SYT16: variants seen among roughly 807,000 people sequenced by gnomAD.
The protein encoded by SYT16 is synaptotagmin 16, also known as synaptotagmin-16.
In SYT16, 42 loss-of-function variants were observed where a neutral mutation model predicts 61.4. The ratio of observed to expected loss-of-function variants is 0.68; its 90% CI spans 0.53 to 0.89. The LOEUF is 0.89. SYT16 is among the 40% of genes least tolerant of loss of function. The probability of loss-of-function intolerance (pLI) is 0.00; values close to 1 mark genes in which losing one functional copy is unlikely to be tolerated. For synonymous variants in SYT16, 314 were observed against 302.3 expected, an observed-to-expected ratio of 1.04 and a Z score of -0.40; for missense variants, 804 against 807.3, an observed-to-expected ratio of 1.00 and a Z score of 0.05.
At chr14:61,834,805 T>G (rs1173568987) in intron 1 of SYT16, among the ~76,000 whole-genome samples, 1 of 152,192 alleles carries the variant, frequency 6.6e-6, no homozygotes, top group Non-Finnish European at 1.5e-5. Flanking sequence ...AAATACTGTT[T>G]GATGCTCTGA....
At chr14:62,011,920 C>CATATAT (rs1165099592) in intron 3 of SYT16, among the ~76,000 whole-genome samples, 1 of 104,592 alleles carries the variant, frequency 9.6e-6, no homozygotes, top group African/African-American at 4.2e-5. Context: ...TATACACACA[C>CATATAT]ACACACATAT....
intron 3 of SYT16, among the ~76,000 whole-genome samples, chr14:62,066,872 A>G (rs1184043033): frequency 6.6e-6 from 1 of 152,172 alleles, no homozygotes; most frequent in East Asian, 1.9e-4. Flanking sequence ...TTGCAGTTAG[A>G]TAGGTAATGC....
intron 3 of SYT16, among the ~76,000 whole-genome samples, chr14:62,003,830 T>C (rs2053119068): frequency 6.6e-6 from 1 of 152,172 alleles, no homozygotes; most frequent in South Asian, 2.1e-4. Flanking sequence ...GTTATAGTTA[T>C]GTACGTGATA....
At chr14:61,968,097 C>A (rs1221921053) in intron 1 of SYT16, among the ~76,000 whole-genome samples, 1 of 152,008 alleles carries the variant, frequency 6.6e-6, no homozygotes, top group Admixed American at 6.6e-5. Flanking sequence ...CCCGTCTCTA[C>A]TAAAAATACC....
chr14:61,836,794 T>G (rs891233522), intron 1 of SYT16, among the ~76,000 whole-genome samples: 8 of 152,192 alleles, frequency 5.3e-5, no homozygotes, highest in Non-Finnish European at 1.2e-4. Context: ...TTTACATCCA[T>G]TTATTTATGT....
At chr14:62,058,340 C>CTTT (rs796187620) in intron 3 of SYT16, among the ~76,000 whole-genome samples, 87 of 108,976 alleles carry the variant, frequency 8.0e-4, no homozygotes, top group Non-Finnish European at 1.3e-3. Context: ...TGTTTAAATT[C>CTTT]TTTTTTTTTT....
chr14:61,906,763 G>A (rs945407649), intron 1 of SYT16, among the ~76,000 whole-genome samples: 14 of 133,350 alleles, frequency 1.0e-4, no homozygotes, highest in East Asian at 2.3e-4. Context: ...CCGTCCGTCC[G>A]TCAATCCATC....
intron 1 of SYT16, among the ~76,000 whole-genome samples, chr14:61,931,816 A>G (rs778658350): frequency 6.6e-6 from 1 of 152,170 alleles, no homozygotes; most frequent in African/African-American, 2.4e-5. Flanking sequence ...TTTGTTACAT[A>G]TGTATACATG....
intron 1 of SYT16, among the ~76,000 whole-genome samples, chr14:61,821,176 A>G (rs2045608120): frequency 6.6e-6 from 1 of 152,016 alleles, no homozygotes; most frequent in Non-Finnish European, 1.5e-5. Flanking sequence ...AGAAAAAGGT[A>G]GAGGATGACC....
intron 7 of SYT16, among the ~76,000 whole-genome samples, chr14:62,094,922 A>G (rs1196826924): frequency 6.6e-6 from 1 of 151,818 alleles, no homozygotes; most frequent in Non-Finnish European, 1.5e-5. Context: ...ATGGGCAAAA[A>G]TTTTCCATTG....
rs1269162113 is a variant in SYT16 at position 62,108,338 on chromosome 14, A to G, written c.*7631A>G. 6.6e-6 allele frequency: 1 copy of G among 152,232 alleles called. No homozygotes were observed. The highest frequency in any genetic ancestry group is 1.5e-5 in the Non-Finnish European group (1 of 68,032). The allele number at this position is 152,232 out of a possible 1,614,324, so 9.4% of individuals were successfully genotyped here. A position where few individuals can be genotyped will look rare whatever the true frequency, so the allele number is the denominator to read the frequency against. ...TTTCGTGTTGCCCAGTTGATAGTCC[A>G]TAATAAAAAATGTACATATCTTGTT... On this transcript the variant is annotated 3_prime_UTR_variant, in exon 8 of 8. Coordinates refer to ENST00000683842, the MANE Select transcript of SYT16 (RefSeq NM_001367656.1).
chr14:62,049,739 T>C (rs1355114417), intron 3 of SYT16, among the ~76,000 whole-genome samples: 1 of 152,190 alleles, frequency 6.6e-6, no homozygotes, highest in Non-Finnish European at 1.5e-5. Context: ...CTTATGAAGC[T>C]TAGTTTGGCA....
chr14:61,832,085 C>T, intron 1 of SYT16: 2 of 727,748 alleles, frequency 2.7e-6, no homozygotes, highest in East Asian at 2.6e-5. Context: ...CGTTCACGCC[C>T]CTGTTCATCT....
intron 1 of SYT16, among the ~76,000 whole-genome samples, chr14:61,851,681 A>G (rs947683855): frequency 6.6e-6 from 1 of 152,086 alleles, no homozygotes; most frequent in African/African-American, 2.4e-5. Context: ...GCTTTGTTTC[A>G]TGTTTGTTGG....
chr14:61,942,398 A>G lies in SYT16; in HGVS notation c.-324-27734A>G, dbSNP rs186424952. ...TGGAGTGGTGTCAGGCTAGTTTACC[A>G]TGTTGGAGAAGAGGCTCTATTCAAT... On this transcript the variant is annotated intron_variant, in intron 1 of 7. Transcript: ENST00000683842. Among the ~76,000 whole-genome samples the G allele has an allele frequency of 1.4e-4, 22 of 152,340 alleles. No individual in the cohort carries two copies. The East Asian group carries it at 4.0e-3, about 28-fold the overall frequency.
At chr14:62,032,246 A>C (rs1217735721) in intron 3 of SYT16, among the ~76,000 whole-genome samples, 1 of 152,162 alleles carries the variant, frequency 6.6e-6, no homozygotes. Flanking sequence ...ATCTTAATAA[A>C]ATTTAAAATT....
chr14:61,852,612 T>G (rs139590993), intron 1 of SYT16, among the ~76,000 whole-genome samples: 81 of 152,288 alleles, frequency 5.3e-4, no homozygotes, highest in African/African-American at 1.9e-3. Context: ...GGTTTGTAGT[T>G]CTACTTGAAG....
intron 1 of SYT16, among the ~76,000 whole-genome samples, chr14:61,864,545 C>T (rs1395848169): frequency 1.3e-5 from 2 of 152,274 alleles, no homozygotes; most frequent in African/African-American, 4.8e-5. Context: ...AGATGAGCAA[C>T]CTGGCCTACC....
chr14:61,834,058 G>T (rs1315207107), intron 1 of SYT16, among the ~76,000 whole-genome samples: 1 of 149,180 alleles, frequency 6.7e-6, no homozygotes, highest in Non-Finnish European at 1.5e-5. Context: ...ATTTTATTTA[G>T]AATTTCCATG....
Sources: allele counts gnomAD v4.1 joint callset (sites outside exome capture counted in the v4.1 genomes callset), GRCh38; gene constraint gnomAD v4.1.1; transcripts MANE v1.5; gene names NCBI Gene and HGNC (gene_info 2026-07-23, HGNC 2026-07-21).